HIPK2: variants seen among roughly 807,000 people sequenced by gnomAD.
HIPK2 encodes homeodomain-interacting protein kinase 2.
A neutral mutation model predicts 113.7 loss-of-function variants in HIPK2; 27 were observed. The ratio of observed to expected loss-of-function variants is 0.24; its 90% CI spans 0.17 to 0.33. The LOEUF (loss-of-function observed/expected upper bound fraction) is 0.33, where lower values mean the gene tolerates loss of function less well. HIPK2 is among the 10% of genes least tolerant of loss of function. HIPK2 has a pLI of 1.00. For missense variants in HIPK2, 1,257 were observed against 1,588.0 expected (o/e 0.79, Z 3.54); for synonymous variants, 631 against 642.2 (o/e 0.98, Z 0.26).
intron 7 of HIPK2, among the ~76,000 whole-genome samples, chr7:139,615,666 T>C (rs989217083): frequency 4.9e-4 from 75 of 152,310 alleles, no homozygotes; most frequent in African/African-American, 1.7e-3. Flanking sequence ...AGGGAATACA[T>C]AGGAAGAAAC....
In HIPK2 at chr7:139,777,675, C is replaced by T; in HGVS notation, c.-52G>A. On this transcript the variant is annotated 5_prime_UTR_variant, in exon 1 of 15. Coordinates refer to ENST00000406875, the MANE Select transcript of HIPK2 (RefSeq NM_022740.5). The stretch of plus-strand genomic sequence containing the variant: ...GCAACGGGGACGGGAAAGCGGCGCG[C>T]GAGCTCGGCCCCCCCAGCCTCAGTC... The T allele has an allele frequency of 3.7e-6, 4 of 1,082,660 alleles. No individual in the cohort carries two copies. Among genetic ancestry groups the T allele is most frequent in the Middle Eastern group, 2.6e-4 (1 of 3,904 alleles). The allele number at this position is 1,082,660 out of a possible 1,614,324, so 67.1% of individuals were successfully genotyped here.
chr7:139,621,986 A>C, intron 6 of HIPK2, among the ~76,000 whole-genome samples: 3 of 152,132 alleles, frequency 2.0e-5, no homozygotes, highest in African/African-American at 7.2e-5. Context: ...TTTCAACTCA[A>C]AATGTCTATT....
intron 2 of HIPK2, among the ~76,000 whole-genome samples, chr7:139,712,898 C>T (rs1189187536): frequency 6.6e-6 from 1 of 152,144 alleles, no homozygotes; most frequent in East Asian, 1.9e-4. Flanking sequence ...CAGAACATTG[C>T]ACCAACTTAG....
At chr7:139,706,442 C>T (rs551593913) in intron 2 of HIPK2, among the ~76,000 whole-genome samples, 1 of 152,314 alleles carries the variant, frequency 6.6e-6, no homozygotes, top group Non-Finnish European at 1.5e-5. Context: ...AGCTGAGCTA[C>T]AAGGCATGGG....
Position 139,596,889 on chromosome 7 carries a change from G to A in HIPK2, c.2545C>T (p.Pro849Ser), listed in dbSNP as rs1799236670. 6.2e-7 allele frequency: 1 copy of A among 1,613,898 alleles called. No homozygotes were observed. The highest frequency in any genetic ancestry group is 1.3e-5 in the African/African-American group (1 of 75,058). The change falls in exon 12 of 15, where the codon CCG (proline) becomes TCG (serine). Residue 849 changes from proline (P) to serine (S), a missense_variant. By Grantham distance (74) the Pro-to-Ser change is moderately conservative (BLOSUM62 -1). This residue lies in a region of HIPK2 where 862 missense variants were observed against 1,004.3 expected (regional missense o/e 0.86). Transcript: ENST00000406875. ...PPRCAMVHSS[P>S]ACSTSVTCGW... ...CAGGTGACCGAGGTGCTGCAGGCCGGGCTACTGTGCACCATGGCACAGCGG... is the reference window on the plus strand; with the variant it reads ...CAGGTGACCGAGGTGCTGCAGGCCGAGCTACTGTGCACCATGGCACAGCGG...
At chr7:139,584,675 C>G (rs2116555645) in intron 12 of HIPK2, among the ~76,000 whole-genome samples, 1 of 152,364 alleles carries the variant, frequency 6.6e-6, no homozygotes, top group South Asian at 2.1e-4. Context: ...CCCTCTGCCT[C>G]TCCTTACTTT....
At position 139,593,711 on chromosome 7, in the gene HIPK2, A is replaced by C. The variant is rs544390251; in HGVS notation, c.2717+3006T>G. ...AAGTTACAGGACTGGCACTGGGGTA[A>C]GTAGCAAATAGAAAACGAGGCTGGG... On this transcript the variant is annotated intron_variant, in intron 12 of 14. Coordinates refer to ENST00000406875, the MANE Select transcript of HIPK2 (RefSeq NM_022740.5). 3.9e-5 allele frequency among the ~76,000 whole-genome samples: 6 copies of C among 152,336 alleles called. No homozygotes were observed. In the East Asian group the frequency reaches 1.2e-3, roughly 29 times the overall value.
chr7:139,677,742 G>C (rs149380745), intron 2 of HIPK2, among the ~76,000 whole-genome samples: 2,770 of 152,212 alleles, frequency 0.018, 76 homozygotes, highest in African/African-American at 0.062. Flanking sequence ...CACAGTAATG[G>C]AATTGCTGGG....
chr7:139,662,406 C>G lies in HIPK2; in HGVS notation c.1104-30681G>C, dbSNP rs145206237. ...AATAAATGGGATTCATTTGGCATGC[C>G]TTTTTCCTCAGTGAGGTCACATGGG... On this transcript the variant is annotated intron_variant, in intron 2 of 14. Coordinates refer to ENST00000406875, the MANE Select transcript of HIPK2 (RefSeq NM_022740.5). Among the ~76,000 whole-genome samples the G allele has an allele frequency of 6.7e-3, 1,013 of 152,290 alleles. 15 individuals carry two copies. The highest frequency in any genetic ancestry group is 0.023 in the African/African-American group (956 of 41,548).
Position 139,716,159 on chromosome 7 carries a change from C to T in HIPK2, c.876G>A (p.Lys292=). Residue 292 remains lysine (K), a synonymous_variant, in exon 2 of 15, where the codon AAG becomes AAA. Transcript: ENST00000406875. The surrounding 1 kb of genome is among the most constrained non-coding windows in gnomAD (Gnocchi z 9.3). The part of the protein sequence containing the change: ...QNLYDFLKQN[K]FSPLPLKYIR... ...TGTATTTGAGGGGCAAGGGGCTAAA[C>T]TTGTTTTGCTTCAGAAAGTCATAGA... The T allele has an allele frequency of 6.2e-7, 1 of 1,614,022 alleles. No individual in the cohort carries two copies. Among genetic ancestry groups the T allele is most frequent in the Non-Finnish European group, 8.5e-7 (1 of 1,179,890 alleles).
At chr7:139,626,085 ACTTT>A (rs1478729554) in intron 6 of HIPK2, among the ~76,000 whole-genome samples, 3 of 147,380 alleles carry the variant, frequency 2.0e-5, no homozygotes, top group Admixed American at 1.4e-4. Flanking sequence ...GCCACTGCCC[ACTTT>A]CTTTCTTTTT....
chr7:139,608,252 C>CGTGTGTGTGTGTGTGTGT (rs55989071), intron 9 of HIPK2, among the ~76,000 whole-genome samples: 49 of 136,970 alleles, frequency 3.6e-4, no homozygotes, highest in Non-Finnish European at 6.0e-4. Context: ...CAAAAAAATA[C>CGTGTGTGTGTGTGTGTGT]GTGTGTGTGT....
intron 2 of HIPK2, among the ~76,000 whole-genome samples, chr7:139,672,548 C>T (rs1389995089): frequency 6.6e-6 from 1 of 152,196 alleles, no homozygotes; most frequent in Non-Finnish European, 1.5e-5. Context: ...TCACTGCAAC[C>T]TCTGCCTCCT....
chr7:139,651,877 C>T (rs1801472811), intron 2 of HIPK2, among the ~76,000 whole-genome samples: 1 of 152,122 alleles, frequency 6.6e-6, no homozygotes, highest in African/African-American at 2.4e-5. Context: ...TTATGGAGGT[C>T]TTCGTTATAT....
intron 1 of HIPK2, among the ~76,000 whole-genome samples, chr7:139,767,785 T>C (rs1796576901): frequency 6.6e-6 from 1 of 152,270 alleles, no homozygotes; most frequent in Non-Finnish European, 1.5e-5. Context: ...ACATTTCAAG[T>C]TGCCTTTGTT....
intron 1 of HIPK2, among the ~76,000 whole-genome samples, chr7:139,736,102 C>A (rs1334249156): frequency 6.6e-6 from 1 of 152,016 alleles, no homozygotes; most frequent in African/African-American, 2.4e-5. Flanking sequence ...AGGAATGGTA[C>A]CACTTCTGAG....
chr7:139,709,368 A>G (rs183439965), intron 2 of HIPK2, among the ~76,000 whole-genome samples: 116 of 152,316 alleles, frequency 7.6e-4, no homozygotes, highest in Non-Finnish European at 4.4e-4. Context: ...CTAGTCACTC[A>G]CTTTCTATAT....
At chr7:139,641,235 C>T (rs533426653) in intron 2 of HIPK2, among the ~76,000 whole-genome samples, 5 of 152,004 alleles carry the variant, frequency 3.3e-5, no homozygotes, top group South Asian at 2.1e-4. Context: ...CATGGTGGCA[C>T]GCACCTGTAA....
intron 2 of HIPK2, among the ~76,000 whole-genome samples, chr7:139,663,531 A>G (rs1801939332): frequency 6.6e-6 from 1 of 152,178 alleles, no homozygotes; most frequent in Admixed American, 6.6e-5. Context: ...CTGGTATTTT[A>G]CTGGTATTCT....
Sources: gnomAD v4.1 joint callset for allele counts (sites outside exome capture counted in the v4.1 genomes callset) on GRCh38, gnomAD v4.1.1 for gene constraint, gnomAD v4.1.1 regional missense constraint, Gnocchi (gnomAD v3.1) non-coding constraint, MANE v1.5 for transcripts, NCBI Gene and HGNC (gene_info 2026-07-23, HGNC 2026-07-21) for gene names.